Variants in ITGA8 observed in about 807,000 individuals in gnomAD.
The protein encoded by ITGA8 is integrin subunit alpha 8.
Under a neutral mutation model 142.3 loss-of-function variants are expected in ITGA8, and 91 were observed. The observed-to-expected ratio is 0.64, with a 90% CI of 0.54 to 0.76. The LOEUF (loss-of-function observed/expected upper bound fraction) is 0.76. Among genes scored for constraint, ITGA8 ranks in the 30% least tolerant of loss-of-function variants. The probability of loss-of-function intolerance (pLI) is 0.00; values close to 1 mark genes in which losing one functional copy is unlikely to be tolerated. For synonymous variants in ITGA8, 505 were observed against 485.2 expected (o/e 1.04, Z -0.54); for missense variants, 1,406 against 1,327.7 (o/e 1.06, Z -0.92).
chr10:15,694,544 CTAATA>C (rs1237813623), intron 2 of ITGA8, among the ~76,000 whole-genome samples: 1 of 129,036 alleles, frequency 7.7e-6, no homozygotes, highest in Non-Finnish European at 1.6e-5. Flanking sequence ...AAAAATGTAT[CTAATA>C]TATTATAGAG....
chr10:15,554,731 CT>C (rs1176383840), intron 26 of ITGA8, among the ~76,000 whole-genome samples: 2 of 149,698 alleles, frequency 1.3e-5, no homozygotes, highest in Non-Finnish European at 3.0e-5. Context: ...TTCTTTCTTT[CT>C]TTCTTTCTTT....
chr10:15,647,364 A>C (rs115062079), intron 11 of ITGA8, among the ~76,000 whole-genome samples: 1 of 152,138 alleles, frequency 6.6e-6, no homozygotes, highest in Non-Finnish European at 1.5e-5. Context: ...CAAAGCAAAC[A>C]TATCAAGAAA....
chr10:15,613,350 C>T (rs1029106422), intron 15 of ITGA8, among the ~76,000 whole-genome samples: 1 of 152,132 alleles, frequency 6.6e-6, no homozygotes, highest in Non-Finnish European at 1.5e-5. Context: ...ATTTGTTTGA[C>T]TGGGAATTTC....
chr10:15,633,846 C>T (rs1418000095), intron 13 of ITGA8, among the ~76,000 whole-genome samples: 1 of 152,118 alleles, frequency 6.6e-6, no homozygotes, highest in Non-Finnish European at 1.5e-5. Flanking sequence ...CTTGATAATA[C>T]AAAGGGTTGT....
intron 22 of ITGA8, among the ~76,000 whole-genome samples, chr10:15,587,501 C>T (rs1049338962): frequency 9.8e-5 from 15 of 152,306 alleles, no homozygotes; most frequent in Non-Finnish European, 1.5e-4. Flanking sequence ...ATCTTCCTAA[C>T]GGTTTATTTC....
At chr10:15,567,899 A>G (rs1834107811) in intron 25 of ITGA8, among the ~76,000 whole-genome samples, 1 of 152,142 alleles carries the variant, frequency 6.6e-6, no homozygotes. Flanking sequence ...AAACCCTGAT[A>G]TGAGGCAAGT....
chr10:15,571,296 T>C (rs886487408), intron 25 of ITGA8, among the ~76,000 whole-genome samples: 2 of 152,206 alleles, frequency 1.3e-5, no homozygotes, highest in Non-Finnish European at 2.9e-5. Flanking sequence ...TCTTGGCTGG[T>C]GGCGTGGGTA....
At chr10:15,533,002 T>C (rs1833343295) in intron 27 of ITGA8, among the ~76,000 whole-genome samples, 1 of 152,150 alleles carries the variant, frequency 6.6e-6, no homozygotes, top group African/African-American at 2.4e-5. Context: ...ACGATCATGG[T>C]GGTGGCTTGA....
At chr10:15,555,657 C>T (rs1440838492) in intron 26 of ITGA8, among the ~76,000 whole-genome samples, 1 of 151,648 alleles carries the variant, frequency 6.6e-6, no homozygotes, top group Non-Finnish European at 1.5e-5. Flanking sequence ...AGAACTCTAG[C>T]ACCCTCCTTG....
chr10:15,533,903 C>T (rs1441069716), intron 27 of ITGA8, among the ~76,000 whole-genome samples: 1 of 149,516 alleles, frequency 6.7e-6, no homozygotes, highest in Non-Finnish European at 1.5e-5. Flanking sequence ...CCATTCATCA[C>T]ATCACCAATC....
chr10:15,606,291 A>G lies in ITGA8; in HGVS notation c.1896T>C (p.Ser632=), dbSNP rs756324708. The G allele has an allele frequency of 1.9e-6, 3 of 1,605,272 alleles. No homozygotes were observed. In the East Asian group the frequency reaches 6.7e-5, roughly 36 times the overall value. ...ILNYYRENIV[S]EQAHILVDCG... ...AAGACTGTGAAGGACTTACCTGTTC[A>G]CTAACAATGTTTTCTCTGTAGTAGT... Residue 632 remains serine (S), a synonymous_variant, in exon 18 of 30, where the codon AGT becomes AGC. Transcript: ENST00000378076.
At chr10:15,529,196 C>T (rs918625536) in intron 28 of ITGA8, among the ~76,000 whole-genome samples, 3 of 152,260 alleles carry the variant, frequency 2.0e-5, no homozygotes, top group South Asian at 2.1e-4. Context: ...GTGATCCTCC[C>T]ACAACTGTGC....
chr10:15,570,333 C>T lies in ITGA8; in HGVS notation c.2637+1878G>A, dbSNP rs572944315. ...CATTAAAGAATAAGTGGGGGCGGGGCGCAGTGGCTCACGCCTGTAATCCCA... is the reference window on the plus strand; with the variant it reads ...CATTAAAGAATAAGTGGGGGCGGGGTGCAGTGGCTCACGCCTGTAATCCCA... On this transcript the variant is annotated intron_variant, in intron 25 of 29. Transcript: ENST00000378076. Among the ~76,000 whole-genome samples, 7 of 152,182 alleles carry T rather than the reference C, an allele frequency of 4.6e-5. No homozygotes were observed. The East Asian group carries it at 1.2e-3, about 25-fold the overall frequency.
chr10:15,679,370 G>C (rs1295577332), intron 4 of ITGA8, among the ~76,000 whole-genome samples: 1 of 152,128 alleles, frequency 6.6e-6, no homozygotes, highest in Non-Finnish European at 1.5e-5. Context: ...AGATCATGAG[G>C]TCAAGAGATT....
intron 2 of ITGA8, among the ~76,000 whole-genome samples, chr10:15,713,582 G>A (rs565675298): frequency 3.3e-5 from 5 of 151,870 alleles, no homozygotes; most frequent in South Asian, 4.2e-4. Flanking sequence ...ATTTCTTTCC[G>A]GGGAAACTAG....
chr10:15,577,987 C>T (rs1834331487), intron 23 of ITGA8, among the ~76,000 whole-genome samples: 1 of 152,056 alleles, frequency 6.6e-6, no homozygotes, highest in Non-Finnish European at 1.5e-5. Flanking sequence ...ATTGTAGATT[C>T]ATATGTAGTT....
At position 15,671,627 on chromosome 10, in the gene ITGA8, C is replaced by T. The variant is rs1834521251; in HGVS notation, c.823G>A (p.Glu275Lys). 1 of 1,612,464 alleles carries T rather than the reference C, an allele frequency of 6.2e-7. No homozygotes were observed. The highest frequency in any genetic ancestry group is 1.3e-5 in the African/African-American group (1 of 74,832). The change falls in exon 8 of 30, where the codon GAG becomes AAG. Residue 275 changes from glutamate to lysine, a missense_variant. By Grantham distance (56) the Glu-to-Lys change is moderately conservative (BLOSUM62 1). Coordinates refer to ENST00000378076, the MANE Select transcript of ITGA8 (RefSeq NM_003638.3). ...CCTTGCTGAGAATCCCCAGTAAACT[C>T]CCCAGCAGCAACTGAGTATCCTGTT... ...SYLGYSVAAG[E>K]FTGDSQQELV...
rs140932453 is a variant in ITGA8 at position 15,554,718 on chromosome 10, CCTTTCTTTCTTT to C, written c.2766+3344_2766+3355del. ...GTCATTACATTTTATCTTTGCAAAT[CCTTTCTTTCTTT>C]CTTTCTTTCTTTCTTTCTTTTTTTT... On this transcript the variant is annotated intron_variant, in intron 26 of 29. Coordinates refer to ENST00000378076, the MANE Select transcript of ITGA8 (RefSeq NM_003638.3). Among the ~76,000 whole-genome samples the C allele has an allele frequency of 4.7e-3, 707 of 149,060 alleles. 11 individuals carry two copies. Among genetic ancestry groups the C allele is most frequent in the East Asian group, 0.033 (168 of 5,020 alleles).
intron 10 of ITGA8, among the ~76,000 whole-genome samples, chr10:15,656,553 G>T (rs777233578): frequency 2.0e-5 from 3 of 151,854 alleles, no homozygotes; most frequent in African/African-American, 7.3e-5. Flanking sequence ...TAGTAGAGAT[G>T]AGGTTTCACC....
Sources: gnomAD v4.1 joint callset for allele counts (sites outside exome capture counted in the v4.1 genomes callset) on GRCh38, gnomAD v4.1.1 for gene constraint, MANE v1.5 for transcripts, NCBI Gene and HGNC (gene_info 2026-07-23, HGNC 2026-07-21) for gene names.